The following CD109 variants were observed in gnomAD, a reference collection of about 807,000 sequenced individuals.
CD109 encodes CD109 antigen.
A neutral mutation model predicts 165.8 loss-of-function variants in CD109; 149 were observed. The observed-to-expected ratio is 0.90, with a 90% CI of 0.79 to 1.03. The LOEUF is 1.03. CD109 is among the 50% of genes least tolerant of loss of function. The probability of loss-of-function intolerance (pLI) is 0.00; values close to 1 mark genes in which losing one functional copy is unlikely to be tolerated. For missense variants in CD109, 1,712 were observed against 1,677.8 expected (o/e 1.02, Z -0.36); for synonymous variants, 585 against 592.1 (o/e 0.99, Z 0.18).
At position 73,768,971 on chromosome 6, in the gene CD109, T is replaced by G. The variant is rs1016766560; in HGVS notation, c.1674+740T>G. 2.0e-5 allele frequency among the ~76,000 whole-genome samples: 3 copies of G among 152,262 alleles called. No homozygotes were observed. In the South Asian group the frequency reaches 6.2e-4, roughly 32 times the overall value. On this transcript the variant is annotated intron_variant, in intron 14 of 32. Coordinates refer to ENST00000287097, the MANE Select transcript of CD109 (RefSeq NM_133493.5). ...CTTTTTCCTTTATTTGTTAAAATAT[T>G]TGAGAAGTAACAGTAGTGATCTGTA...
intron 32 of CD109, among the ~76,000 whole-genome samples, chr6:73,821,500 A>G (rs1246533913): frequency 6.6e-6 from 1 of 152,214 alleles, no homozygotes; most frequent in Non-Finnish European, 1.5e-5. Context: ...AATTGGATAA[A>G]TAAAATGTGG....
intron 3 of CD109, among the ~76,000 whole-genome samples, chr6:73,725,055 C>G (rs1772083465): frequency 6.6e-6 from 1 of 152,106 alleles, no homozygotes; most frequent in African/African-American, 2.4e-5. Flanking sequence ...TATATTTGTA[C>G]TTTCTTTCCT....
intron 27 of CD109, among the ~76,000 whole-genome samples, chr6:73,810,584 A>G (rs1208952023): frequency 6.6e-6 from 1 of 151,984 alleles, no homozygotes; most frequent in Non-Finnish European, 1.5e-5. Flanking sequence ...TAATTTACTG[A>G]TAATATGATC....
At chr6:73,747,330 C>A (rs1773017740) in intron 5 of CD109, among the ~76,000 whole-genome samples, 1 of 152,164 alleles carries the variant, frequency 6.6e-6, no homozygotes, top group Non-Finnish European at 1.5e-5. Flanking sequence ...CCCATTCTAG[C>A]CAGTCTTCTA....
At chr6:73,779,537 C>T (rs185692879) in intron 15 of CD109, among the ~76,000 whole-genome samples, 3 of 152,026 alleles carry the variant, frequency 2.0e-5, no homozygotes, top group Non-Finnish European at 2.9e-5. Context: ...TGTGAGCCAC[C>T]GCACCTAGCC....
At chr6:73,821,818 GCATCA>G (rs1776118606) in intron 32 of CD109, among the ~76,000 whole-genome samples, 1 of 152,096 alleles carries the variant, frequency 6.6e-6, no homozygotes, top group Admixed American at 6.6e-5. Flanking sequence ...CCAAACCTCA[GCATCA>G]CATAATATAC....
In CD109 at chr6:73,697,566, G is replaced by C. The variant is rs1328431650; in HGVS notation, c.241G>C (p.Glu81Gln). 3 of 1,612,192 alleles carry C rather than the reference G, an allele frequency of 1.9e-6. No homozygotes were observed. The highest frequency in any genetic ancestry group is 2.5e-6 in the Non-Finnish European group (3 of 1,179,220). ...VSVLEAEGVF[E>Q]KGSFKTLTLP... Reference sequence around the variant, plus strand: ...TGTCCTGGAAGCAGAAGGAGTCTTTGAAAAAGGTAAGATAAACAGCATAAA... The same window carrying C: ...TGTCCTGGAAGCAGAAGGAGTCTTTCAAAAAGGTAAGATAAACAGCATAAA... Residue 81 changes from glutamate to glutamine, a missense_variant, in exon 2 of 33, where the codon GAA (glutamate) becomes CAA (glutamine). Glu to Gln is a conservative substitution (Grantham distance 29). Transcript: ENST00000287097.
At chr6:73,723,075 A>AC (rs1772019716) in intron 2 of CD109, 176 bp from the exon 3 acceptor site, 2 of 939,818 alleles carry the variant, frequency 2.1e-6, no homozygotes, top group African/African-American at 3.5e-5. Context: ...TTTGGCACAA[A>AC]GATATGTAAT....
chr6:73,782,787 T>C (rs923035750), intron 18 of CD109, 32 bp downstream of exon 18: 27 of 1,604,642 alleles, frequency 1.7e-5, no homozygotes, highest in Non-Finnish European at 2.0e-5. Flanking sequence ...TGCCCATACA[T>C]ATTTTGTTTA....
chr6:73,713,440 A>T (rs1771608006), intron 2 of CD109, among the ~76,000 whole-genome samples: 1 of 151,470 alleles, frequency 6.6e-6, no homozygotes, highest in Non-Finnish European at 1.5e-5. Flanking sequence ...TTTAATAGAG[A>T]TGGGGTCACA....
At chr6:73,805,436 A>G (rs145955873) in intron 24 of CD109, among the ~76,000 whole-genome samples, 235 of 152,334 alleles carry the variant, frequency 1.5e-3, no homozygotes, top group African/African-American at 5.3e-3. Context: ...ATCTCAGTAG[A>G]TGGAACATAC....
chr6:73,773,372 T>C lies in CD109; in HGVS notation c.1827+1791T>C, dbSNP rs143131624. Among the ~76,000 whole-genome samples, 166 of 152,054 alleles carry C rather than the reference T, an allele frequency of 1.1e-3. 1 individual carries two copies. The highest frequency in any genetic ancestry group is 3.9e-3 in the African/African-American group (160 of 41,544). On this transcript the variant is annotated intron_variant, in intron 15 of 32. Coordinates refer to ENST00000287097, the MANE Select transcript of CD109 (RefSeq NM_133493.5). Reference sequence around the variant, plus strand: ...TTAAGTGTATCTTTTAAATAGCATATTATTATATTTTGCTTTTGTTTTTCA... The same window carrying C: ...TTAAGTGTATCTTTTAAATAGCATACTATTATATTTTGCTTTTGTTTTTCA...
chr6:73,725,681 T>C (rs1772114770), intron 3 of CD109, among the ~76,000 whole-genome samples: 1 of 151,966 alleles, frequency 6.6e-6, no homozygotes, highest in South Asian at 2.1e-4. Context: ...GCTAATTTTT[T>C]TTTGTATTTT....
intron 21 of CD109, 129 bp downstream of exon 21, chr6:73,787,581 C>T: frequency 1.6e-6 from 1 of 630,928 alleles, no homozygotes; most frequent in Non-Finnish European, 2.7e-6. Context: ...CTGGTAATGC[C>T]TAATCACTTT....
At chr6:73,746,347 G>A (rs1279263915) in intron 5 of CD109, among the ~76,000 whole-genome samples, 1 of 152,130 alleles carries the variant, frequency 6.6e-6, no homozygotes, top group African/African-American at 2.4e-5. Context: ...GGTGGAGTGA[G>A]GAAAGGGAGA....
intron 7 of CD109, among the ~76,000 whole-genome samples, chr6:73,760,348 A>G (rs1010248675): frequency 2.4e-4 from 31 of 130,796 alleles, no homozygotes; most frequent in African/African-American, 8.7e-4. Flanking sequence ...CGGAGCTTGC[A>G]GTGAGCCGAG....
intron 3 of CD109, among the ~76,000 whole-genome samples, chr6:73,726,491 G>C (rs1233767752): frequency 6.6e-6 from 1 of 152,030 alleles, no homozygotes; most frequent in Non-Finnish European, 1.5e-5. Context: ...ATTTTATTTT[G>C]AAAAATTGTC....
the CD109 span, among the ~76,000 whole-genome samples, chr6:73,690,470 C>T: frequency 1.3e-5 from 2 of 151,780 alleles, no homozygotes; most frequent in African/African-American, 4.8e-5. Context: ...GGTGTGATCT[C>T]GGCTCACCGC....
At chr6:73,704,381 C>A (rs1046634786) in intron 2 of CD109, among the ~76,000 whole-genome samples, 1 of 152,140 alleles carries the variant, frequency 6.6e-6, no homozygotes, top group Non-Finnish European at 1.5e-5. Flanking sequence ...TCCTCGTGGA[C>A]TTTCATGTTT....
Sources: gnomAD v4.1 joint callset for allele counts (sites outside exome capture counted in the v4.1 genomes callset) on GRCh38, gnomAD v4.1.1 for gene constraint, MANE v1.5 for transcripts, NCBI Gene and HGNC (gene_info 2026-07-23, HGNC 2026-07-21) for gene names.